Variants in MTIF2 observed in about 807,000 individuals in gnomAD.
MTIF2 encodes the protein mitochondrial translational initiation factor 2, also known as translation initiation factor IF-2, mitochondrial.
In MTIF2, 71 loss-of-function variants were observed where a neutral mutation model predicts 83.5. The ratio of observed to expected loss-of-function variants is 0.85; its 90% CI spans 0.70 to 1.04. MTIF2 has a LOEUF of 1.04. MTIF2 is among the 50% of genes least tolerant of loss of function. MTIF2 has a pLI of 0.00. For missense variants in MTIF2, 957 were observed against 846.5 expected (o/e 1.13, Z -1.62); for synonymous variants, 319 against 287.1 (o/e 1.11, Z -1.12).
intron 3 of MTIF2, among the ~76,000 whole-genome samples, chr2:55,265,128 A>G (rs1286710389): frequency 6.6e-6 from 1 of 151,736 alleles, no homozygotes; most frequent in Non-Finnish European, 1.5e-5. Flanking sequence ...CTGCAATCCC[A>G]GCTACCCAGA....
At chr2:55,262,829 A>G (rs1437957872) in intron 4 of MTIF2, among the ~76,000 whole-genome samples, 2 of 152,134 alleles carry the variant, frequency 1.3e-5, no homozygotes, top group Non-Finnish European at 2.9e-5. Context: ...CCCAGGTTCA[A>G]GCGCTTCTCC....
chr2:55,252,017 C>A (rs1322285814), intron 8 of MTIF2, among the ~76,000 whole-genome samples: 1 of 152,086 alleles, frequency 6.6e-6, no homozygotes, highest in African/African-American at 2.4e-5. Flanking sequence ...TTCCAAAAGT[C>A]TGAATTTTAT....
At chr2:55,252,249 GAA>G (rs1030515705) in intron 8 of MTIF2, among the ~76,000 whole-genome samples, 2 of 152,094 alleles carry the variant, frequency 1.3e-5, no homozygotes, top group Non-Finnish European at 2.9e-5. Flanking sequence ...CATAGTAGAG[GAA>G]AGATTGTACC....
At chr2:55,239,568 A>G (rs919000307) in intron 14 of MTIF2, among the ~76,000 whole-genome samples, 3 of 152,312 alleles carry the variant, frequency 2.0e-5, no homozygotes, top group Non-Finnish European at 4.4e-5. Flanking sequence ...TTTTAAATAT[A>G]CTCAGTCTTT....
At chr2:55,259,074 TAGCTTACAC>T (rs1237416253) in intron 5 of MTIF2, among the ~76,000 whole-genome samples, 2 of 152,138 alleles carry the variant, frequency 1.3e-5, no homozygotes, top group Admixed American at 1.3e-4. Flanking sequence ...TTTTGAGAGG[TAGCTTACAC>T]AGAGAGATAA....
Position 55,259,282 on chromosome 2 carries a change from T to C in MTIF2, c.331+3034A>G, listed in dbSNP as rs370633920. On this transcript the variant is annotated intron_variant, in intron 5 of 15. Transcript: ENST00000263629. ...TCATATCGCTAATGTATATAGTAGT[T>C]AAAAATAATTACCTCATGAAAACTA... Among the ~76,000 whole-genome samples, 33 of 152,298 alleles carry C rather than the reference T, an allele frequency of 2.2e-4. 1 individual carries two copies. In the East Asian group the frequency reaches 6.2e-3, roughly 28 times the overall value.
intron 4 of MTIF2, among the ~76,000 whole-genome samples, chr2:55,263,035 G>T (rs962524789): frequency 6.6e-6 from 1 of 151,768 alleles, no homozygotes; most frequent in East Asian, 1.9e-4. Context: ...CCTAATTTTT[G>T]TATTTTTAGT....
Position 55,253,706 on chromosome 2 carries a change from T to C in MTIF2, c.664+335A>G, listed in dbSNP as rs140396855. Among the ~76,000 whole-genome samples the C allele has an allele frequency of 5.7e-3, 869 of 152,000 alleles. 8 individuals are homozygous for C. Among genetic ancestry groups the C allele is most frequent in the Non-Finnish European group, 6.7e-3 (456 of 67,978 alleles). On this transcript the variant is annotated intron_variant, in intron 7 of 15. Coordinates refer to ENST00000263629, the MANE Select transcript of MTIF2 (RefSeq NM_002453.3). Reference sequence around the variant, plus strand: ...GGTGCACACCTGTAGTCCCAGCTACTTGGGAGGCTGAGGCAGGAGAACTGC... The same window carrying C: ...GGTGCACACCTGTAGTCCCAGCTACCTGGGAGGCTGAGGCAGGAGAACTGC...
chr2:55,257,260 AC>A (rs1677618060), intron 5 of MTIF2, among the ~76,000 whole-genome samples: 1 of 152,142 alleles, frequency 6.6e-6, no homozygotes, highest in Non-Finnish European at 1.5e-5. Context: ...TGGGCAGATC[AC>A]CTAAGATGAG....
chr2:55,252,306 A>G (rs1677154768), intron 8 of MTIF2, among the ~76,000 whole-genome samples, 171 bp downstream of exon 8: 1 of 152,196 alleles, frequency 6.6e-6, no homozygotes, highest in South Asian at 2.1e-4. Flanking sequence ...GAATCCTGCT[A>G]TACTCTTCCT....
intron 9 of MTIF2, among the ~76,000 whole-genome samples, chr2:55,247,944 G>A (rs1273018537): frequency 6.6e-6 from 1 of 152,054 alleles, no homozygotes; most frequent in Non-Finnish European, 1.5e-5. Flanking sequence ...AGGCTGGAGT[G>A]CAGTGGCATC....
At chr2:55,259,805 G>A (rs1370520943) in intron 5 of MTIF2, among the ~76,000 whole-genome samples, 2 of 152,120 alleles carry the variant, frequency 1.3e-5, no homozygotes, top group African/African-American at 2.4e-5. Context: ...TTAGCTGGGT[G>A]TGGTGGCATA....
intron 9 of MTIF2, among the ~76,000 whole-genome samples, chr2:55,248,028 C>G (rs987803472): frequency 6.6e-6 from 1 of 152,092 alleles, no homozygotes. Flanking sequence ...ATAGCTAGGA[C>G]GACAGGCACA....
chr2:55,251,905 T>G (rs1400278934), intron 8 of MTIF2, among the ~76,000 whole-genome samples: 2 of 152,172 alleles, frequency 1.3e-5, no homozygotes, highest in Non-Finnish European at 2.9e-5. Context: ...GGATTCCAGG[T>G]GTGAGCCCCC....
intron 15 of MTIF2, among the ~76,000 whole-genome samples, chr2:55,237,074 A>C (rs899160292): frequency 2.0e-5 from 3 of 152,210 alleles, no homozygotes; most frequent in Non-Finnish European, 4.4e-5. Flanking sequence ...TGCTGAGGAC[A>C]GGATGGTACT....
Position 55,263,867 on chromosome 2 carries a change from T to C in MTIF2, c.-7-2A>G. The C allele has an allele frequency of 6.3e-7, 1 of 1,582,478 alleles. No individual in the cohort carries two copies. Among genetic ancestry groups the C allele is most frequent in the Non-Finnish European group, 8.6e-7 (1 of 1,166,682 alleles). On this transcript the variant is annotated splice_acceptor_variant, in intron 3 of 15. Coordinates refer to ENST00000263629, the MANE Select transcript of MTIF2 (RefSeq NM_002453.3). LOFTEE classifies it low-confidence loss of function (5UTR_SPLICE). The stretch of plus-strand genomic sequence containing the variant: ...AGTAGCTTCTGGTTCATGTTTCTCC[T>C]GGGGAAAAAAAAAAGGTTTTAAAAT...
At chr2:55,261,941 C>CAAAAAA (rs5831348) in intron 5 of MTIF2, among the ~76,000 whole-genome samples, 1 of 87,176 alleles carries the variant, frequency 1.1e-5, no homozygotes, top group Non-Finnish European at 2.6e-5. Context: ...AAAAAAAAAC[C>CAAAAAA]AAAAAAAAAA....
At position 55,253,094 on chromosome 2, in the gene MTIF2, T is replaced by C. The variant is rs576285700; in HGVS notation, c.665-441A>G. 5.3e-5 allele frequency among the ~76,000 whole-genome samples: 8 copies of C among 152,290 alleles called. No individual in the cohort carries two copies. The South Asian group carries it at 1.7e-3, about 32-fold the overall frequency. Reference sequence around the variant, plus strand: ...TTTAAATCCTGGCTATGCTACTTACTGGCTATATACTGTGGGAAAGCTGCT... The same window carrying C: ...TTTAAATCCTGGCTATGCTACTTACCGGCTATATACTGTGGGAAAGCTGCT... On this transcript the variant is annotated intron_variant, in intron 7 of 15. Transcript: ENST00000263629.
intron 4 of MTIF2, among the ~76,000 whole-genome samples, chr2:55,263,277 C>G (rs1441407797): frequency 6.6e-6 from 1 of 152,188 alleles, no homozygotes; most frequent in Non-Finnish European, 1.5e-5. Context: ...CCAAATTCAT[C>G]AGCACCACAC....
Sources: gnomAD v4.1 joint callset for allele counts (sites outside exome capture counted in the v4.1 genomes callset) on GRCh38, gnomAD v4.1.1 for gene constraint, MANE v1.5 for transcripts, NCBI Gene and HGNC (gene_info 2026-07-23, HGNC 2026-07-21) for gene names.